CMTM4: variants seen among roughly 807,000 people sequenced by gnomAD.
CMTM4 encodes CKLF like MARVEL transmembrane domain containing 4.
CMTM4 carries 8 observed loss-of-function variants against 19.0 expected under a neutral mutation model. The ratio of observed to expected loss-of-function variants is 0.42; its 90% CI spans 0.25 to 0.76. CMTM4 has a LOEUF of 0.76. Ranked by LOEUF, CMTM4 falls within the 30% of genes least tolerant of loss-of-function variation. The pLI, the probability that CMTM4 is intolerant of heterozygous loss-of-function variation, is 0.27. For synonymous variants in CMTM4, 106 were observed against 121.1 expected, an observed-to-expected ratio of 0.88 and a Z score of 0.82; for missense variants, 228 against 290.2, an observed-to-expected ratio of 0.79 and a Z score of 1.56.
Position 66,619,580 on chromosome 16 carries a change from G to C in CMTM4, c.*2478C>G, listed in dbSNP as rs1259298354. 1 of 985,198 alleles carries C rather than the reference G, an allele frequency of 1.0e-6. No homozygotes were observed. Among genetic ancestry groups the C allele is most frequent in the African/African-American group, 1.7e-5 (1 of 57,168 alleles). 61.0% of individuals were successfully genotyped at this position (985,198 alleles called of 1,614,324 possible). A position where few individuals can be genotyped will look rare whatever the true frequency, so the allele number is the denominator to read the frequency against. The stretch of plus-strand genomic sequence containing the variant: ...GGCCCCCAGATATCGATTGTCTTCT[G>C]TTTGCATATAGAGGCAATATAAGAA... On this transcript the variant is annotated 3_prime_UTR_variant, in exon 4 of 4. Transcript: ENST00000394106.
intron 1 of CMTM4, among the ~76,000 whole-genome samples, chr16:66,670,635 A>G (rs1015706000): frequency 2.0e-5 from 3 of 151,946 alleles, no homozygotes; most frequent in African/African-American, 7.3e-5. Flanking sequence ...CCCCGTCTTT[A>G]CTAAAAATAC....
At chr16:66,628,572 G>A (rs775322889) in intron 2 of CMTM4, among the ~76,000 whole-genome samples, 2 of 150,692 alleles carry the variant, frequency 1.3e-5, no homozygotes, top group African/African-American at 2.5e-5. Flanking sequence ...TACAACACAT[G>A]TTTTTGTGAG....
chr16:66,620,699 G>C lies in CMTM4; in HGVS notation c.*1359C>G, dbSNP rs938935532. ...GCAAAATCTTCCTGCCACAGTAAGT[G>C]CTTTTTGGTGAGGGCTAAACACAAA... On this transcript the variant is annotated 3_prime_UTR_variant, in exon 4 of 4. Transcript: ENST00000394106. 6 of 985,648 alleles carry C rather than the reference G, an allele frequency of 6.1e-6. No individual in the cohort carries two copies. The highest frequency in any genetic ancestry group is 6.2e-5 in the Admixed American group (1 of 16,246). 61.1% of individuals were successfully genotyped at this position (985,648 alleles called of 1,614,324 possible). A position where few individuals can be genotyped will look rare whatever the true frequency, so the allele number is the denominator to read the frequency against.
rs989041891 is a variant in CMTM4, at chr16:66,625,201, G to A, written c.364-1699C>T. Among the ~76,000 whole-genome samples, 7 of 152,118 alleles carry A rather than the reference G, an allele frequency of 4.6e-5. No homozygotes were observed. In the East Asian group the frequency reaches 7.7e-4, roughly 17 times the overall value. ...TGTAATCCCAGCACTTTGGGAGGCC[G>A]AGGCGGGCGGATCACCTGAGGTTGG... On this transcript the variant is annotated intron_variant, in intron 2 of 3. Transcript: ENST00000394106.
chr16:66,646,281 C>A (rs2016195230), intron 1 of CMTM4, among the ~76,000 whole-genome samples: 1 of 152,130 alleles, frequency 6.6e-6, no homozygotes, highest in Non-Finnish European at 1.5e-5. Context: ...AGGTGGGGAA[C>A]AGGGGAATCA....
intron 1 of CMTM4, among the ~76,000 whole-genome samples, chr16:66,683,953 G>A (rs2016988933): frequency 6.6e-6 from 1 of 151,956 alleles, no homozygotes; most frequent in South Asian, 2.1e-4. Flanking sequence ...AGAGAGTGAG[G>A]GATGAGAGAA....
At chr16:66,665,718 G>A (rs748241387) in intron 1 of CMTM4, among the ~76,000 whole-genome samples, 3 of 152,068 alleles carry the variant, frequency 2.0e-5, no homozygotes, top group Non-Finnish European at 2.9e-5. Flanking sequence ...AGAGGCTGCA[G>A]TAAGCAGAGA....
the CMTM4 span, among the ~76,000 whole-genome samples, chr16:66,606,550 A>G: frequency 1.3e-5 from 2 of 152,154 alleles, no homozygotes; most frequent in Admixed American, 1.3e-4. Context: ...AAGCAGCCAC[A>G]GTGCTTCCTG....
chr16:66,687,027 CTT>C (rs1057128648), intron 1 of CMTM4, among the ~76,000 whole-genome samples: 3 of 151,600 alleles, frequency 2.0e-5, no homozygotes, highest in African/African-American at 7.3e-5. Flanking sequence ...TTCTAATTTT[CTT>C]TAATGTTACA....
At chr16:66,650,228 G>A (rs925360447) in intron 1 of CMTM4, among the ~76,000 whole-genome samples, 1 of 152,106 alleles carries the variant, frequency 6.6e-6, no homozygotes, top group Non-Finnish European at 1.5e-5. Context: ...TGGGTGGAAG[G>A]TTGGGATACA....
chr16:66,626,469 G>T (rs1596905633), intron 2 of CMTM4, among the ~76,000 whole-genome samples: 1 of 152,314 alleles, frequency 6.6e-6, no homozygotes, highest in South Asian at 2.1e-4. Context: ...GCCAGGCACG[G>T]TGGCATGCAC....
chr16:66,683,176 C>CGTATATATAT lies in CMTM4; in HGVS notation c.186+13163_186+13164insATATATATAC, dbSNP rs1555502512. ...ATATATATACGTATATATATATATA[C>CGTATATATAT]ATATGTATATATATATACATATATA... On this transcript the variant is annotated intron_variant, in intron 1 of 3. Coordinates refer to ENST00000394106, the MANE Select transcript of CMTM4 (RefSeq NM_181521.3). Among the ~76,000 whole-genome samples the CGTATATATAT allele has an allele frequency of 2.7e-3, 284 of 105,804 alleles. 5 individuals are homozygous for CGTATATATAT. Among genetic ancestry groups the CGTATATATAT allele is most frequent in the South Asian group, 0.013 (38 of 3,030 alleles). The allele number at this position is 105,804 out of a possible 152,430, so 69.4% of individuals were successfully genotyped here.
At chr16:66,630,735 AT>A (rs1400522714) in intron 2 of CMTM4, among the ~76,000 whole-genome samples, 1 of 152,118 alleles carries the variant, frequency 6.6e-6, no homozygotes, top group Non-Finnish European at 1.5e-5. Flanking sequence ...AAGTGCTGAG[AT>A]TGCAGCCTCT....
rs563697400 is a variant in CMTM4 at position 66,671,388 on chromosome 16, C to T, written c.186+24952G>A. ...AGGCCTCCTGAGATGGAAACAAAGA[C>T]GGGAGTGGGCCCAGGGGAGACAGAA... is the stretch of plus-strand genomic sequence containing the variant. On this transcript the variant is annotated intron_variant, in intron 1 of 3. Coordinates refer to ENST00000394106, the MANE Select transcript of CMTM4 (RefSeq NM_181521.3). Among the ~76,000 whole-genome samples the T allele has an allele frequency of 1.6e-4, 24 of 152,218 alleles. No individual in the cohort carries two copies. In the South Asian group the frequency reaches 3.9e-3, roughly 25 times the overall value.
chr16:66,603,274 G>A, the CMTM4 span, among the ~76,000 whole-genome samples: 1 of 152,014 alleles, frequency 6.6e-6, no homozygotes, highest in Non-Finnish European at 1.5e-5. Context: ...GTGGTTGGAC[G>A]CAGTCTTTAT....
At chr16:66,608,337 A>T in the CMTM4 span, 3 of 1,614,174 alleles carry the variant, frequency 1.9e-6, no homozygotes. The surrounding 1 kb of genome is among the most constrained non-coding windows in gnomAD (Gnocchi z 5.1). Context: ...TTTATCTGCT[A>T]TGTGGCGTCC....
intron 2 of CMTM4, among the ~76,000 whole-genome samples, chr16:66,635,397 C>T (rs1411952282): frequency 2.0e-5 from 3 of 152,212 alleles, no homozygotes; most frequent in African/African-American, 7.2e-5. Context: ...CTGGTTAGGA[C>T]AACCCAGAGA....
At chr16:66,630,816 C>T (rs1596911081) in intron 2 of CMTM4, among the ~76,000 whole-genome samples, 6 of 150,204 alleles carry the variant, frequency 4.0e-5, no homozygotes, top group East Asian at 2.1e-4. Flanking sequence ...AAGTGAGGAG[C>T]ATCTCTGCCC....
At chr16:66,649,829 T>C (rs961146184) in intron 1 of CMTM4, among the ~76,000 whole-genome samples, 2 of 152,134 alleles carry the variant, frequency 1.3e-5, no homozygotes, top group African/African-American at 4.8e-5. Flanking sequence ...CTAATCCCTG[T>C]ACATGTCAGG....
Sources: allele counts gnomAD v4.1 joint callset (sites outside exome capture counted in the v4.1 genomes callset), GRCh38; gene constraint gnomAD v4.1.1; non-coding constraint Gnocchi (gnomAD v3.1); transcripts MANE v1.5; gene names NCBI Gene and HGNC (gene_info 2026-07-23, HGNC 2026-07-21).